CPLANE1: variants seen among roughly 807,000 people sequenced by gnomAD.
The protein encoded by CPLANE1 is ciliogenesis and planar polarity effector complex subunit 1.
Under a neutral mutation model 362.5 loss-of-function variants are expected in CPLANE1, and 263 were observed. That is an observed-to-expected ratio of 0.73 (90% CI 0.66 to 0.80). The LOEUF is 0.80. Among genes scored for constraint, CPLANE1 ranks in the 30% least tolerant of loss-of-function variants. The probability of loss-of-function intolerance (pLI) is 0.00; values close to 1 mark genes in which losing one functional copy is unlikely to be tolerated. For synonymous variants in CPLANE1, 1,212 were observed against 1,302.6 expected, an observed-to-expected ratio of 0.93 and a Z score of 1.50; for missense variants, 3,461 against 3,793.4, an observed-to-expected ratio of 0.91 and a Z score of 2.30.
intron 9 of CPLANE1, among the ~76,000 whole-genome samples, chr5:37,229,230 A>AG (rs1244621243): frequency 1.3e-5 from 2 of 151,776 alleles, no homozygotes; most frequent in Non-Finnish European, 2.9e-5. Flanking sequence ...AAAAAAAAAA[A>AG]AAATTAAATT....
chr5:37,214,064 T>A (rs1793355488), intron 15 of CPLANE1, among the ~76,000 whole-genome samples: 1 of 151,922 alleles, frequency 6.6e-6, no homozygotes, highest in Admixed American at 6.6e-5. Context: ...AACCTAGAAA[T>A]ATCAATAAAA....
At chr5:37,205,482 G>T in intron 17 of CPLANE1, 28 bp from the exon 18 acceptor site, 1 of 1,436,036 alleles carries the variant, frequency 7.0e-7, no homozygotes. Context: ...TAAGGGAAAT[G>T]AATCCAAATT....
At chr5:37,136,757 G>C (rs185593769) in intron 46 of CPLANE1, among the ~76,000 whole-genome samples, 1 of 152,324 alleles carries the variant, frequency 6.6e-6, no homozygotes, top group African/African-American at 2.4e-5. Context: ...ACCACGTGGA[G>C]GCTGCCAAGG....
intron 18 of CPLANE1, 37 bp from the exon 19 acceptor site, chr5:37,201,845 T>G: frequency 7.0e-7 from 1 of 1,435,982 alleles, no homozygotes; most frequent in Non-Finnish European, 9.6e-7. Context: ...TAGTTAAAGC[T>G]TGTATTAAAC....
At chr5:37,194,273 C>A (rs991586253) in intron 21 of CPLANE1, among the ~76,000 whole-genome samples, 6 of 151,936 alleles carry the variant, frequency 3.9e-5, no homozygotes, top group African/African-American at 1.5e-4. Context: ...ATCAAGAGAC[C>A]AAATCAAACA....
At chr5:37,219,509 C>T (rs972141473) in intron 15 of CPLANE1, among the ~76,000 whole-genome samples, 8 of 151,214 alleles carry the variant, frequency 5.3e-5, no homozygotes, top group African/African-American at 1.9e-4. Flanking sequence ...GCCTGGGTGA[C>T]AGAGCAAGAC....
chr5:37,124,649 C>T (rs1317398842), intron 47 of CPLANE1, among the ~76,000 whole-genome samples: 1 of 152,044 alleles, frequency 6.6e-6, no homozygotes, highest in African/African-American at 2.4e-5. Flanking sequence ...AACTTCTGGG[C>T]TCAAATGATC....
rs1780405687 is a variant in CPLANE1 at position 37,173,687 on chromosome 5, A to G, written c.6171+68T>C. On this transcript the variant is annotated intron_variant, in intron 32 of 52. Transcript: ENST00000651892. ...TTACCTTGTCAATTTCTGGAAATCT[A>G]TTAATATTTTAAAACCCTACATGTA... 8 of 1,258,834 alleles carry G rather than the reference A, an allele frequency of 6.4e-6. No homozygotes were observed. In the South Asian group the frequency reaches 7.1e-5, roughly 11 times the overall value. 78.0% of individuals were successfully genotyped at this position (1,258,834 alleles called of 1,614,324 possible). A position where few individuals can be genotyped will look rare whatever the true frequency, so the allele number is the denominator to read the frequency against.
intron 51 of CPLANE1, among the ~76,000 whole-genome samples, chr5:37,109,571 T>A (rs1436242553): frequency 6.6e-6 from 1 of 152,184 alleles, no homozygotes; most frequent in African/African-American, 2.4e-5. Flanking sequence ...GCAATAAACA[T>A]CTGAACTTTA....
chr5:37,183,766 T>TTTCCATGTCAATTCTAA, intron 25 of CPLANE1, 67 bp from the exon 26 acceptor site: 2 of 1,140,734 alleles, frequency 1.8e-6, no homozygotes, highest in Non-Finnish European at 2.5e-6. Flanking sequence ...ATCTTAGAAT[T>TTTCCATGTCAATTCTAA]GACATGGAAA....
At chr5:37,168,629 T>C (rs940828428) in intron 34 of CPLANE1, among the ~76,000 whole-genome samples, 162 bp downstream of exon 34, 6 of 152,208 alleles carry the variant, frequency 3.9e-5, no homozygotes. Flanking sequence ...TGAGCCACCA[T>C]GCCCAGCTAC....
downstream of CPLANE1, among the ~76,000 whole-genome samples, chr5:37,103,874 G>A (rs1306162535): frequency 1.3e-5 from 2 of 152,114 alleles, no homozygotes; most frequent in Non-Finnish European, 2.9e-5. Flanking sequence ...CTCGAGAACT[G>A]GGGTTCTCAG....
At chr5:37,117,588 G>A (rs777839207) in intron 50 of CPLANE1, among the ~76,000 whole-genome samples, 6 of 152,194 alleles carry the variant, frequency 3.9e-5, no homozygotes, top group Admixed American at 6.5e-5. Context: ...GTATAAAGGA[G>A]CACAAATCAT....
At position 37,214,766 on chromosome 5, in the gene CPLANE1, C is replaced by A. The variant is rs550329538; in HGVS notation, c.2747-1034G>T. On this transcript the variant is annotated intron_variant, in intron 15 of 52. Coordinates refer to ENST00000651892, the MANE Select transcript of CPLANE1 (RefSeq NM_001384732.1). ...CACATGGCAATAAAAAGCAACCTCA[C>A]AATTCTTGTGTAGTTCTCATCACGT... is the stretch of plus-strand genomic sequence containing the variant. Among the ~76,000 whole-genome samples the A allele has an allele frequency of 2.0e-5, 3 of 152,328 alleles. No individual in the cohort carries two copies. The East Asian group carries it at 5.8e-4, about 29-fold the overall frequency.
chr5:37,150,169 T>G (rs186650924), intron 42 of CPLANE1, among the ~76,000 whole-genome samples: 1 of 152,326 alleles, frequency 6.6e-6, no homozygotes, highest in East Asian at 1.9e-4. Context: ...AAATGCTTAA[T>G]GGACTCAGAC....
intron 8 of CPLANE1, among the ~76,000 whole-genome samples, chr5:37,235,721 C>T (rs1409536709): frequency 1.1e-4 from 16 of 151,894 alleles, no homozygotes; most frequent in Non-Finnish European, 2.9e-5. Flanking sequence ...TACAGGGGCA[C>T]ACCATCACAC....
intron 23 of CPLANE1, among the ~76,000 whole-genome samples, chr5:37,186,792 G>T (rs1784106857): frequency 6.6e-6 from 1 of 152,064 alleles, no homozygotes; most frequent in South Asian, 2.1e-4. Context: ...CGGCGCGGTG[G>T]CTCACGCCTG....
rs1782524786 is a variant in CPLANE1 at position 37,180,982 on chromosome 5, C to T, written c.5445G>A (p.Gly1815=). The change falls in exon 27 of 53, where the codon GGG becomes GGA. Residue 1815 remains glycine (G), a synonymous_variant. Coordinates refer to ENST00000651892, the MANE Select transcript of CPLANE1 (RefSeq NM_001384732.1). ...TCTCAATATTGGGTCCAATCTGACA[C>T]CCAGTGTCACGATTCTCTACCATCT... ...IIKMVENRDT[G]CQIGPNIERE... is the part of the protein sequence containing the mutation. The T allele has an allele frequency of 3.1e-6, 5 of 1,613,920 alleles. No individual in the cohort carries two copies. The highest frequency in any genetic ancestry group is 4.2e-6 in the Non-Finnish European group (5 of 1,179,956).
At chr5:37,157,903 A>AT (rs768061435) in intron 39 of CPLANE1, 35 bp from the exon 40 acceptor site, 1 of 835,432 alleles carries the variant, frequency 1.2e-6, no homozygotes, top group Non-Finnish European at 1.7e-6. Flanking sequence ...AGAGGGTTAC[A>AT]TTCTTTTTAC....
Sources: allele counts gnomAD v4.1 joint callset (sites outside exome capture counted in the v4.1 genomes callset), GRCh38; gene constraint gnomAD v4.1.1; transcripts MANE v1.5; gene names NCBI Gene and HGNC (gene_info 2026-07-23, HGNC 2026-07-21).